The following ADAP1 variants were observed in gnomAD, a reference collection of about 807,000 sequenced individuals.
The protein encoded by ADAP1 is arf-GAP with dual PH domain-containing protein 1.
Under a neutral mutation model 54.9 loss-of-function variants are expected in ADAP1, and 31 were observed. That is an observed-to-expected ratio of 0.56 (90% CI 0.42 to 0.76). The LOEUF is 0.76. Among genes scored for constraint, ADAP1 ranks in the 30% least tolerant of loss-of-function variants. The pLI, the probability that ADAP1 is intolerant of heterozygous loss-of-function variation, is 0.00. For missense variants in ADAP1, 535 were observed against 512.4 expected, an observed-to-expected ratio of 1.04 and a Z score of -0.42; for synonymous variants, 313 against 202.6, an observed-to-expected ratio of 1.55 and a Z score of -4.63.
At chr7:905,419 GAGAA>G (rs1845123323) in intron 4 of ADAP1, 1 of 123,098 alleles carries the variant, frequency 8.1e-6, no homozygotes. Context: ...AAGGGAGAAA[GAGAA>G]AGGAGAAAGG....
At position 938,570 on chromosome 7, in the gene ADAP1, G is replaced by A. The variant is rs1032349593; in HGVS notation, c.83-3065C>T. Reference sequence around the variant, plus strand: ...AGAAGAGAGAGACCTGACTCCCCCCGGGCTCCGTCTTCTCCCGAAGCCTTG... The same window carrying A: ...AGAAGAGAGAGACCTGACTCCCCCCAGGCTCCGTCTTCTCCCGAAGCCTTG... On this transcript the variant is annotated intron_variant, in intron 1 of 10. Transcript: ENST00000265846. The surrounding 1 kb of genome is among the most constrained non-coding windows in gnomAD (Gnocchi z 4.4). 7.2e-5 allele frequency among the ~76,000 whole-genome samples: 11 copies of A among 152,124 alleles called. No individual in the cohort carries two copies. The highest frequency in any genetic ancestry group is 1.7e-4 in the African/African-American group (7 of 41,416).
rs573492730 is a variant in ADAP1, at chr7:944,901, C to T, written c.83-9396G>A. Among the ~76,000 whole-genome samples the T allele has an allele frequency of 2.6e-5, 4 of 151,976 alleles. No individual in the cohort carries two copies. The South Asian group carries it at 8.3e-4, about 32-fold the overall frequency. On this transcript the variant is annotated intron_variant, in intron 1 of 10. Transcript: ENST00000265846. ...AGATTCAGACCCTGGGAGGGAAGAG[C>T]CCGGGGGGGTGACTCTGGGTGACTC...
intron 2 of ADAP1, among the ~76,000 whole-genome samples, chr7:934,984 C>T (rs1378067409): frequency 6.6e-6 from 1 of 152,212 alleles, no homozygotes; most frequent in Non-Finnish European, 1.5e-5. Context: ...GACTCTGGGT[C>T]GTGCCGCGCG....
chr7:927,528 G>A (rs1846431160), intron 2 of ADAP1: 1 of 469,802 alleles, frequency 2.1e-6, no homozygotes, highest in Non-Finnish European at 4.4e-6. Context: ...CAGCCAGACT[G>A]AAGTCCCCTG....
In ADAP1 at chr7:930,736, T is replaced by C. The variant is rs184701676; in HGVS notation, c.214-4092A>G. ...CGGGAGGCTGAAGCAGGAGAATCGC[T>C]TGAATGTGGGAGGTGGAGGTTGCAG... On this transcript the variant is annotated intron_variant, in intron 2 of 10. Coordinates refer to ENST00000265846, the MANE Select transcript of ADAP1 (RefSeq NM_006869.4). 2.7e-4 allele frequency among the ~76,000 whole-genome samples: 41 copies of C among 151,452 alleles called. 3 individuals carry two copies. The highest frequency in any genetic ancestry group is 2.4e-3 in the Admixed American group (37 of 15,236).
intron 2 of ADAP1, among the ~76,000 whole-genome samples, chr7:930,058 T>C (rs36020954): frequency 0.29 from 39,857 of 136,716 alleles, 5,783 homozygotes; most frequent in East Asian, 0.52. Flanking sequence ...GAGCTGTGAT[T>C]GAGCCACTGC....
intron 3 of ADAP1, among the ~76,000 whole-genome samples, chr7:922,683 C>T (rs1846232027): frequency 6.7e-6 from 1 of 149,062 alleles, no homozygotes; most frequent in Non-Finnish European, 1.5e-5. Flanking sequence ...GGAGGCTTTG[C>T]CTCTTGCGAA....
chr7:910,234 A>G (rs375422988), intron 4 of ADAP1, among the ~76,000 whole-genome samples: 26 of 151,768 alleles, frequency 1.7e-4, no homozygotes, highest in African/African-American at 6.3e-4. Context: ...GGAAACAGGA[A>G]CAGCCTTCAC....
rs76710067 is a variant in ADAP1, at chr7:943,955, G to T, written c.83-8450C>A. Among the ~76,000 whole-genome samples, 2,405 of 152,038 alleles carry T rather than the reference G, an allele frequency of 0.016. 137 individuals are homozygous for T. The East Asian group carries it at 0.23, about 15-fold the overall frequency. ...TATTGAGACAGGGTCTTGCTCTGTT[G>T]CCCAGGCTTGAGTGCAGTGAGGCAA... On this transcript the variant is annotated intron_variant, in intron 1 of 10. Transcript: ENST00000265846.
At position 898,169 on chromosome 7, in the gene ADAP1, T is replaced by TGCAGCAA. The variant is rs2128631514; in HGVS notation, c.*745_*751dup. ...AAAATAAATACACGGCTGGGCCGCC[T>TGCAGCAA]GCAGCAAGCGCGACAGTGCCCGGGA... On this transcript the variant is annotated 3_prime_UTR_variant, in exon 11 of 11. Coordinates refer to ENST00000265846, the MANE Select transcript of ADAP1 (RefSeq NM_006869.4). 1 of 152,524 alleles carries TGCAGCAA rather than the reference T, an allele frequency of 6.6e-6. No individual in the cohort carries two copies. The highest frequency in any genetic ancestry group is 2.4e-5 in the African/African-American group (1 of 41,574). 9.4% of individuals were successfully genotyped at this position (152,524 alleles called of 1,614,324 possible). A position where few individuals can be genotyped will look rare whatever the true frequency, so the allele number is the denominator to read the frequency against.
intron 4 of ADAP1, among the ~76,000 whole-genome samples, chr7:911,489 C>T (rs989270039): frequency 7.2e-5 from 11 of 152,144 alleles, no homozygotes; most frequent in African/African-American, 2.7e-4. Context: ...GCCCCAGCGC[C>T]CAAGAACAGC....
In ADAP1 at chr7:904,394, T is replaced by G. The variant is rs1200220961; in HGVS notation, c.502-122A>C. On this transcript the variant is annotated intron_variant, in intron 5 of 10. Transcript: ENST00000265846. ...CTGTGCTGTGTGGCTTTGGGCAAGTTACTTAAGCGCTCTGAGCCTTGGCCT... is the reference window on the plus strand; with the variant it reads ...CTGTGCTGTGTGGCTTTGGGCAAGTGACTTAAGCGCTCTGAGCCTTGGCCT... 8 of 1,301,492 alleles carry G rather than the reference T, an allele frequency of 6.1e-6. No individual in the cohort carries two copies. The East Asian group carries it at 1.5e-4, about 25-fold the overall frequency. 80.6% of individuals were successfully genotyped at this position (1,301,492 alleles called of 1,614,324 possible).
chr7:919,109 C>T (rs956493557), intron 4 of ADAP1, among the ~76,000 whole-genome samples: 2 of 152,236 alleles, frequency 1.3e-5, no homozygotes, highest in South Asian at 2.1e-4. Context: ...AGCTCCAAGA[C>T]GCTGCCTGGA....
chr7:921,093 G>A (rs1351255457), intron 3 of ADAP1, among the ~76,000 whole-genome samples: 2 of 152,172 alleles, frequency 1.3e-5, no homozygotes, highest in Admixed American at 6.5e-5. Flanking sequence ...CAACAGAAAT[G>A]TATCATCTCG....
At chr7:942,597 GGA>G (rs1846982136) in intron 1 of ADAP1, among the ~76,000 whole-genome samples, 4 of 50,064 alleles carry the variant, frequency 8.0e-5, no homozygotes, top group Admixed American at 2.0e-4. Context: ...GAGGAGGAAG[GGA>G]GAGAGGAGGA....
In ADAP1 at chr7:905,312, C is replaced by CAT. The variant is rs1554271646; in HGVS notation, c.389-141_389-140insAT. The CAT allele has an allele frequency of 3.6e-4, 92 of 255,960 alleles. 14 individuals carry two copies. Among genetic ancestry groups the CAT allele is most frequent in the South Asian group, 3.1e-3 (87 of 28,062 alleles). 15.9% of individuals were successfully genotyped at this position (255,960 alleles called of 1,614,324 possible). ...GGGGACACGGACAGGGGGAGACGGA[C>CAT]GGGGAGAGGGGACATGGAGGAGACA... On this transcript the variant is annotated intron_variant, in intron 4 of 10. Transcript: ENST00000265846.
At chr7:919,546 G>A (rs1846078064) in intron 4 of ADAP1, among the ~76,000 whole-genome samples, 1 of 142,404 alleles carries the variant, frequency 7.0e-6, no homozygotes, top group Non-Finnish European at 1.5e-5. Flanking sequence ...AGGAGAGAGA[G>A]AGGGAGAGAC....
intron 6 of ADAP1, chr7:900,883 A>AGGGCCGGGCCGGGCCGGGCCGGGCC: frequency 2.5e-6 from 1 of 393,248 alleles, no homozygotes; most frequent in South Asian, 2.0e-5. Context: ...GAAGGGCCGA[A>AGGGCCGGGCCGGGCCGGGCCGGGCC]GGGCCGGGCC....
intron 6 of ADAP1, among the ~76,000 whole-genome samples, chr7:902,269 A>G (rs1286168612): frequency 2.0e-5 from 3 of 150,548 alleles, no homozygotes; most frequent in Non-Finnish European, 3.0e-5. Flanking sequence ...GACCAGCCTG[A>G]CCAACATGAA....
Sources: gnomAD v4.1 joint callset for allele counts (sites outside exome capture counted in the v4.1 genomes callset) on GRCh38, gnomAD v4.1.1 for gene constraint, Gnocchi (gnomAD v3.1) non-coding constraint, MANE v1.5 for transcripts, NCBI Gene and HGNC (gene_info 2026-07-23, HGNC 2026-07-21) for gene names.